RPRD1A: variants seen among roughly 807,000 people sequenced by gnomAD.
RPRD1A encodes the protein regulation of nuclear pre-mRNA domain containing 1A.
Under a neutral mutation model 37.8 loss-of-function variants are expected in RPRD1A, and 9 were observed. The ratio of observed to expected loss-of-function variants is 0.24; its 90% CI spans 0.14 to 0.42. The LOEUF (loss-of-function observed/expected upper bound fraction) is 0.42, where lower values mean the gene tolerates loss of function less well. Among genes scored for constraint, RPRD1A ranks in the 10% least tolerant of loss-of-function variants. RPRD1A has a pLI of 1.00. For synonymous variants in RPRD1A, 138 were observed against 139.7 expected, an observed-to-expected ratio of 0.99 and a Z score of 0.08; for missense variants, 255 against 371.0, an observed-to-expected ratio of 0.69 and a Z score of 2.57.
chr18:36,017,817 C>T (rs1568124105), intron 6 of RPRD1A, among the ~76,000 whole-genome samples: 1 of 152,120 alleles, frequency 6.6e-6, no homozygotes, highest in Non-Finnish European at 1.5e-5. Context: ...AAAGAATGAA[C>T]ACTGGCTTAA....
At chr18:36,040,954 CA>C (rs1912539884) in intron 1 of RPRD1A, 2 of 708,886 alleles carry the variant, frequency 2.8e-6, no homozygotes, top group African/African-American at 3.7e-5. Context: ...GAATGAACTA[CA>C]AACACTGCTC....
chr18:36,043,352 G>C (rs1262039247), intron 1 of RPRD1A, among the ~76,000 whole-genome samples: 1 of 152,104 alleles, frequency 6.6e-6, no homozygotes, highest in Non-Finnish European at 1.5e-5. Flanking sequence ...TTGTCCTGTA[G>C]GTGCATTTAT....
At chr18:36,042,459 C>CTGA (rs1680623318) in intron 1 of RPRD1A, among the ~76,000 whole-genome samples, 1 of 152,178 alleles carries the variant, frequency 6.6e-6, no homozygotes. Context: ...AACTTAGTTT[C>CTGA]TGATCATTAA....
At position 35,991,719 on chromosome 18, in the gene RPRD1A, G is replaced by C. The variant is rs1908728878; in HGVS notation, c.*1432C>G. 1 of 152,144 alleles carries C rather than the reference G, an allele frequency of 6.6e-6. No homozygotes were observed. The highest frequency in any genetic ancestry group is 6.5e-5 in the Admixed American group (1 of 15,268). The allele number at this position is 152,144 out of a possible 1,614,324, so 9.4% of individuals were successfully genotyped here. A position where few individuals can be genotyped will look rare whatever the true frequency, so the allele number is the denominator to read the frequency against. On this transcript the variant is annotated 3_prime_UTR_variant, in exon 7 of 7. Transcript: ENST00000399022. ...TTGGAGAGAGGTCAAATTGTTAAAA[G>C]AACTATTTGCAGAACTACTTGGCTA...
At chr18:36,004,744 A>G (rs1909634152) in intron 6 of RPRD1A, among the ~76,000 whole-genome samples, 1 of 152,166 alleles carries the variant, frequency 6.6e-6, no homozygotes, top group Non-Finnish European at 1.5e-5. Flanking sequence ...CTCTACTAAA[A>G]ATACAGAAAT....
intron 6 of RPRD1A, chr18:36,025,815 A>T (rs1195155859): frequency 3.2e-6 from 1 of 308,134 alleles, no homozygotes; most frequent in Non-Finnish European, 6.1e-6. Flanking sequence ...TTTCATCACA[A>T]GGTGAAATAG....
In RPRD1A at chr18:36,048,779, G is replaced by A. The variant is rs377074044; in HGVS notation, c.152-14942C>T. On this transcript the variant is annotated intron_variant, in intron 1 of 6. Transcript: ENST00000399022. Reference sequence around the variant, plus strand: ...CACATGGTGCTGGAAATTCTAGCAAGTACAATAGGGCAAGAAAAGGAAATA... The same window carrying A: ...CACATGGTGCTGGAAATTCTAGCAAATACAATAGGGCAAGAAAAGGAAATA... Among the ~76,000 whole-genome samples, 37 of 152,076 alleles carry A rather than the reference G, an allele frequency of 2.4e-4. 2 individuals carry two copies. In the East Asian group the frequency reaches 6.0e-3, roughly 25 times the overall value.
At chr18:36,041,735 T>G (rs942725686) in intron 1 of RPRD1A, among the ~76,000 whole-genome samples, 6 of 152,238 alleles carry the variant, frequency 3.9e-5, no homozygotes, top group Non-Finnish European at 8.8e-5. Flanking sequence ...GGATAGGTGG[T>G]TGTCAGCCAA....
intron 6 of RPRD1A, among the ~76,000 whole-genome samples, chr18:36,003,806 T>G (rs1272198516): frequency 6.6e-6 from 1 of 152,064 alleles, no homozygotes; most frequent in East Asian, 1.9e-4. Flanking sequence ...TTTGTTTCTG[T>G]TTGTTTTTTT....
intron 6 of RPRD1A, among the ~76,000 whole-genome samples, chr18:36,009,054 T>C (rs1910000290): frequency 6.7e-6 from 1 of 148,884 alleles, no homozygotes; most frequent in African/African-American, 2.4e-5. Flanking sequence ...CACATTACTA[T>C]AATTTTTTTT....
intron 1 of RPRD1A, among the ~76,000 whole-genome samples, chr18:36,034,790 G>A (rs1053387555): frequency 6.6e-6 from 1 of 152,156 alleles, no homozygotes; most frequent in Non-Finnish European, 1.5e-5. Flanking sequence ...CAGGCTACAT[G>A]TGGTCCTCTA....
rs147148144 is a variant in RPRD1A at position 36,024,034 on chromosome 18, A to T, written c.789+2866T>A. 5.4e-3 allele frequency among the ~76,000 whole-genome samples: 830 copies of T among 152,354 alleles called. 11 individuals are homozygous for T. Among genetic ancestry groups the T allele is most frequent in the African/African-American group, 0.019 (782 of 41,586 alleles). On this transcript the variant is annotated intron_variant, in intron 6 of 6. Transcript: ENST00000399022. ...TAATAAGCTAACTGAAAAACAGTTT[A>T]TGCAATACTTTCAACTTCATAATGG...
At chr18:36,047,485 G>C (rs950348935) in intron 1 of RPRD1A, among the ~76,000 whole-genome samples, 2 of 151,954 alleles carry the variant, frequency 1.3e-5, no homozygotes, top group African/African-American at 4.8e-5. Context: ...GGTTAGAGCA[G>C]AGACCAATGA....
chr18:36,008,323 AC>A lies in RPRD1A; in HGVS notation c.790-15024del, dbSNP rs535343583. ...CTGTGTGCAGTAGCTTATACCTGTA[AC>A]CCTAGCACTTTGGGAGGCCAAGGTG... On this transcript the variant is annotated intron_variant, in intron 6 of 6. Coordinates refer to ENST00000399022, the MANE Select transcript of RPRD1A (RefSeq NM_018170.5). Among the ~76,000 whole-genome samples, 5 of 151,448 alleles carry A rather than the reference AC, an allele frequency of 3.3e-5. No individual in the cohort carries two copies. The South Asian group carries it at 1.0e-3, about 32-fold the overall frequency.
At chr18:36,045,020 A>T (rs1023062696) in intron 1 of RPRD1A, among the ~76,000 whole-genome samples, 1 of 152,158 alleles carries the variant, frequency 6.6e-6, no homozygotes, top group African/African-American at 2.4e-5. Flanking sequence ...TGGGTGGATC[A>T]CTTGAGGCCA....
intron 6 of RPRD1A, among the ~76,000 whole-genome samples, chr18:36,006,275 C>T (rs1909744548): frequency 6.6e-6 from 1 of 152,174 alleles, no homozygotes; most frequent in South Asian, 2.1e-4. Flanking sequence ...ACCTCCCAGG[C>T]TCAAGCAGTC....
At chr18:35,996,977 CA>C (rs200694089) in intron 6 of RPRD1A, among the ~76,000 whole-genome samples, 1,175 of 55,526 alleles carry the variant, frequency 0.021, 4 homozygotes, top group African/African-American at 0.062. Flanking sequence ...GACCCTGTCT[CA>C]AAAAAAAAAA....
chr18:36,059,025 C>T lies in RPRD1A; in HGVS notation c.151+8229G>A, dbSNP rs959348381. Among the ~76,000 whole-genome samples, 7 of 152,050 alleles carry T rather than the reference C, an allele frequency of 4.6e-5. No individual in the cohort carries two copies. The South Asian group carries it at 1.0e-3, about 23-fold the overall frequency. On this transcript the variant is annotated intron_variant, in intron 1 of 6. Coordinates refer to ENST00000399022, the MANE Select transcript of RPRD1A (RefSeq NM_018170.5). ...GGTTTTCATTAAAAATGTTATGTTA[C>T]GATAATTGCATGAGGTAATGGATAC...
At chr18:36,060,357 C>T (rs571037025) in intron 1 of RPRD1A, among the ~76,000 whole-genome samples, 11 of 151,970 alleles carry the variant, frequency 7.2e-5, no homozygotes, top group Admixed American at 4.6e-4. Context: ...GGCATGAACC[C>T]GGGAAGGTGG....
Sources: allele counts gnomAD v4.1 joint callset (sites outside exome capture counted in the v4.1 genomes callset), GRCh38; gene constraint gnomAD v4.1.1; transcripts MANE v1.5; gene names NCBI Gene and HGNC (gene_info 2026-07-23, HGNC 2026-07-21).